Variants in TEX14 observed in about 807,000 individuals in gnomAD.
The protein encoded by TEX14 is testis expressed 14, intercellular bridge forming factor.
A neutral mutation model predicts 178.6 loss-of-function variants in TEX14; 168 were observed. The observed-to-expected ratio is 0.94, with a 90% CI of 0.83 to 1.07. The LOEUF is 1.07. TEX14 is among the 50% of genes least tolerant of loss of function. TEX14 has a pLI of 0.00. For synonymous variants in TEX14, 626 were observed against 634.1 expected, an observed-to-expected ratio of 0.99 and a Z score of 0.19; for missense variants, 1,730 against 1,753.6, an observed-to-expected ratio of 0.99 and a Z score of 0.24.
chr17:58,612,698 G>C (rs1393357545), intron 9 of TEX14, among the ~76,000 whole-genome samples: 5 of 141,500 alleles, frequency 3.5e-5, no homozygotes, highest in African/African-American at 1.3e-4. Flanking sequence ...TCGTGCCACT[G>C]TACTCCAGCC....
chr17:58,562,802 C>T (rs1000641066), intron 28 of TEX14, among the ~76,000 whole-genome samples: 2 of 151,202 alleles, frequency 1.3e-5, no homozygotes, highest in African/African-American at 4.8e-5. Context: ...TGAGCCACTG[C>T]GCCTGGCCCC....
intron 3 of TEX14, among the ~76,000 whole-genome samples, chr17:58,626,931 T>A (rs1160401406): frequency 2.0e-5 from 3 of 152,140 alleles, no homozygotes; most frequent in African/African-American, 2.4e-5. Context: ...CAGATAAAAA[T>A]TTTTTAAAAA....
chr17:58,614,771 C>A (rs955534217), intron 8 of TEX14, among the ~76,000 whole-genome samples: 1 of 152,188 alleles, frequency 6.6e-6, no homozygotes, highest in Non-Finnish European at 1.5e-5. Flanking sequence ...AACTCTGGAG[C>A]CATAGGAACC....
At chr17:58,577,893 C>A (rs987295329) in intron 20 of TEX14, among the ~76,000 whole-genome samples, 1 of 152,012 alleles carries the variant, frequency 6.6e-6, no homozygotes, top group Non-Finnish European at 1.5e-5. Context: ...TAGGTGTGGG[C>A]GTGGGCGTGG....
intron 1 of TEX14, among the ~76,000 whole-genome samples, chr17:58,678,689 G>A (rs1222794345): frequency 6.6e-6 from 1 of 152,084 alleles, no homozygotes; most frequent in East Asian, 1.9e-4. Flanking sequence ...TGGGGGAAAC[G>A]GGGAGGGATA....
At position 58,667,784 on chromosome 17, in the gene TEX14, C is replaced by G. The variant is rs1161094955; in HGVS notation, c.-1-15782G>C. ...CCTGTAATCCCAGCTACTTGGGAGG[C>G]TGAGGCAGGAGAACTGCTTGAACCC... is the stretch of plus-strand genomic sequence containing the variant. On this transcript the variant is annotated intron_variant, in intron 1 of 31. Transcript: ENST00000349033. 2.0e-5 allele frequency among the ~76,000 whole-genome samples: 3 copies of G among 151,192 alleles called. No homozygotes were observed. In the Admixed American group the frequency reaches 2.0e-4, roughly 10 times the overall value.
chr17:58,639,838 C>T (rs1426290390), intron 2 of TEX14, among the ~76,000 whole-genome samples: 2 of 152,034 alleles, frequency 1.3e-5, no homozygotes, highest in Non-Finnish European at 2.9e-5. Flanking sequence ...TCACCATGAC[C>T]GTGGCAGGAA....
chr17:58,673,861 C>T (rs561596812), intron 1 of TEX14, among the ~76,000 whole-genome samples: 8 of 152,302 alleles, frequency 5.3e-5, no homozygotes, highest in African/African-American at 1.7e-4. Context: ...AGCCACCCCA[C>T]GTGGCTTCTC....
chr17:58,660,093 C>A (rs1194024892), intron 1 of TEX14, among the ~76,000 whole-genome samples: 1 of 150,990 alleles, frequency 6.6e-6, no homozygotes, highest in Non-Finnish European at 1.5e-5. Context: ...ATCTAGGGTA[C>A]AAATACACGC....
intron 26 of TEX14, chr17:58,567,659 G>A (rs1180305306): frequency 1.3e-5 from 2 of 152,274 alleles, no homozygotes; most frequent in African/African-American, 2.4e-5. Flanking sequence ...ATAGTAATCA[G>A]GCAGGCAAGC....
At chr17:58,688,646 T>A (rs1436980715) in intron 1 of TEX14, among the ~76,000 whole-genome samples, 1 of 152,196 alleles carries the variant, frequency 6.6e-6, no homozygotes, top group African/African-American at 2.4e-5. Flanking sequence ...GTGAGGAGAC[T>A]GAGTAACTTG....
intron 3 of TEX14, among the ~76,000 whole-genome samples, chr17:58,628,107 CGT>C (rs2046191994): frequency 6.6e-6 from 1 of 151,990 alleles, no homozygotes; most frequent in East Asian, 1.9e-4. Context: ...GCCAGTAGAG[CGT>C]GTGTGAGTCT....
At chr17:58,645,345 A>G (rs1287700775) in intron 2 of TEX14, among the ~76,000 whole-genome samples, 1 of 149,224 alleles carries the variant, frequency 6.7e-6, no homozygotes, top group East Asian at 2.0e-4. Context: ...TAACTCATAG[A>G]TATATTATGG....
intron 1 of TEX14, among the ~76,000 whole-genome samples, chr17:58,691,279 GT>G (rs1394069615): frequency 6.6e-6 from 1 of 152,110 alleles, no homozygotes; most frequent in African/African-American, 2.4e-5. Context: ...CTCAACATAC[GT>G]TGTTTCCTTT....
At chr17:58,572,245 ACATT>A (rs1184845121) in intron 23 of TEX14, 119 bp from the exon 24 acceptor site, 5 of 640,192 alleles carry the variant, frequency 7.8e-6, no homozygotes, top group Non-Finnish European at 1.3e-5. Flanking sequence ...TGAATCTTTT[ACATT>A]ATTAAAACAA....
chr17:58,691,178 T>C (rs1474338728), intron 1 of TEX14, among the ~76,000 whole-genome samples: 2 of 152,098 alleles, frequency 1.3e-5, no homozygotes, highest in African/African-American at 4.8e-5. Context: ...TTTATCAGAA[T>C]TGATATTAAA....
At chr17:58,557,347 T>C (rs1009334429) in intron 31 of TEX14, among the ~76,000 whole-genome samples, 1 of 151,932 alleles carries the variant, frequency 6.6e-6, no homozygotes, top group East Asian at 1.9e-4. Flanking sequence ...CTCGGCTCAC[T>C]GCAACCTCTG....
At chr17:58,558,693 T>C (rs1297045683) in intron 30 of TEX14, among the ~76,000 whole-genome samples, 1 of 152,146 alleles carries the variant, frequency 6.6e-6, no homozygotes, top group African/African-American at 2.4e-5. Flanking sequence ...GAGAGCGTCA[T>C]TGTAAAGGGC....
At chr17:58,638,692 C>A (rs1454940802) in intron 2 of TEX14, among the ~76,000 whole-genome samples, 2 of 151,740 alleles carry the variant, frequency 1.3e-5, no homozygotes, top group Non-Finnish European at 2.9e-5. Context: ...GCATATGCCA[C>A]GACGCCTGCC....
Sources: gnomAD v4.1 joint callset for allele counts (sites outside exome capture counted in the v4.1 genomes callset) on GRCh38, gnomAD v4.1.1 for gene constraint, MANE v1.5 for transcripts, NCBI Gene and HGNC (gene_info 2026-07-23, HGNC 2026-07-21) for gene names.